Variants in SIPA1L3 observed in about 807,000 individuals in gnomAD.
The protein encoded by SIPA1L3 is signal induced proliferation associated 1 like 3.
In SIPA1L3, 59 loss-of-function variants were observed where a neutral mutation model predicts 150.1. The observed-to-expected ratio is 0.39, with a 90% CI of 0.32 to 0.49. The LOEUF (loss-of-function observed/expected upper bound fraction) is 0.49, where lower values mean the gene tolerates loss of function less well. Ranked by LOEUF, SIPA1L3 falls within the 20% of genes least tolerant of loss-of-function variation. SIPA1L3 has a pLI of 0.86. For synonymous variants in SIPA1L3, 1,070 were observed against 1,077.6 expected, an observed-to-expected ratio of 0.99 and a Z score of 0.14; for missense variants, 2,211 against 2,489.5, an observed-to-expected ratio of 0.89 and a Z score of 2.38.
intron 10 of SIPA1L3, among the ~76,000 whole-genome samples, chr19:38,140,223 A>C (rs1971542892): frequency 6.6e-6 from 1 of 152,182 alleles, no homozygotes; most frequent in Admixed American, 6.5e-5. Flanking sequence ...GGTGGATTTC[A>C]TGAGCATGGC....
At position 38,082,684 on chromosome 19, in the gene SIPA1L3, GGCCGCTTCC is replaced by G; in HGVS notation, c.1125_1133del (p.Ala378_Ala380del). On this transcript the variant is annotated inframe_deletion, in exon 3 of 22. Transcript: ENST00000222345. ...GGCGGAACACCACCACGGGTGCTTC[GGCCGCTTCC>G]GCCGCCTCGGCCATGGCCTCCCTCA... 1 of 1,609,116 alleles carries G rather than the reference GGCCGCTTCC, an allele frequency of 6.2e-7. No individual in the cohort carries two copies. The highest frequency in any genetic ancestry group is 1.1e-5 in the South Asian group (1 of 90,984).
At chr19:38,002,539 C>G (rs900592715) in intron 1 of SIPA1L3, among the ~76,000 whole-genome samples, 7 of 150,764 alleles carry the variant, frequency 4.6e-5, no homozygotes, top group African/African-American at 1.7e-4. Context: ...TTGAGACCAT[C>G]CTGGCCAACA....
At chr19:37,985,406 T>C (rs564240082) in intron 1 of SIPA1L3, among the ~76,000 whole-genome samples, 1 of 152,228 alleles carries the variant, frequency 6.6e-6, no homozygotes, top group South Asian at 2.1e-4. Flanking sequence ...CACATGCCTC[T>C]AGTTCCAGCT....
At chr19:38,141,113 C>A in intron 10 of SIPA1L3, 71 bp from the exon 11 acceptor site, 7 of 1,372,932 alleles carry the variant, frequency 5.1e-6, no homozygotes, top group Admixed American at 2.5e-5. Flanking sequence ...GCCAGGAAAA[C>A]CCAGCCTAGA....
chr19:38,199,609 G>A (rs1317971955), intron 19 of SIPA1L3, among the ~76,000 whole-genome samples: 1 of 152,116 alleles, frequency 6.6e-6, no homozygotes, highest in South Asian at 2.1e-4. Flanking sequence ...AGGTTACGGG[G>A]GAGAGGGGGG....
intron 1 of SIPA1L3, among the ~76,000 whole-genome samples, chr19:37,919,978 G>A (rs1379475663): frequency 6.6e-6 from 1 of 151,820 alleles, no homozygotes; most frequent in African/African-American, 2.4e-5. Flanking sequence ...CCAAAGTGCT[G>A]GGATTACAGG....
At chr19:37,919,705 C>CA (rs2046441892) in intron 1 of SIPA1L3, among the ~76,000 whole-genome samples, 1 of 84,256 alleles carries the variant, frequency 1.2e-5, no homozygotes, top group East Asian at 3.9e-4. Context: ...GGCCCTGAGG[C>CA]TTTTTTTTTT....
intron 1 of SIPA1L3, among the ~76,000 whole-genome samples, chr19:37,978,259 T>C (rs754353048): frequency 2.0e-5 from 3 of 152,198 alleles, no homozygotes; most frequent in Non-Finnish European, 2.9e-5. Flanking sequence ...GCATCTATTA[T>C]GTGGACAGTT....
intron 2 of SIPA1L3, among the ~76,000 whole-genome samples, chr19:38,063,828 T>A (rs1654350): frequency 0.24 from 35,995 of 151,772 alleles, 5,244 homozygotes; most frequent in African/African-American, 0.41. Flanking sequence ...GAGAAAAAAA[T>A]AATAATAATA....
intron 1 of SIPA1L3, among the ~76,000 whole-genome samples, chr19:37,956,702 T>C (rs2046814908): frequency 6.6e-6 from 1 of 152,206 alleles, no homozygotes; most frequent in African/African-American, 2.4e-5. Flanking sequence ...CAGGCTGGTC[T>C]TGAACTCCTG....
chr19:38,164,991 C>A lies in SIPA1L3; in HGVS notation c.4208+85C>A. ...ACGGTCCTGATGGTGGGGTTCTCCT[C>A]CCCAGAAACACACTCACGGATGAAT... is the stretch of plus-strand genomic sequence containing the variant. On this transcript the variant is annotated intron_variant, in intron 15 of 21. Coordinates refer to ENST00000222345, the MANE Select transcript of SIPA1L3 (RefSeq NM_015073.3). The surrounding 1 kb of genome is among the most constrained non-coding windows in gnomAD (Gnocchi z 4.1). 7.8e-7 allele frequency: 1 copy of A among 1,283,764 alleles called. No homozygotes were observed. The highest frequency in any genetic ancestry group is 1.0e-6 in the Non-Finnish European group (1 of 956,188). The allele number at this position is 1,283,764 out of a possible 1,614,324, so 79.5% of individuals were successfully genotyped here. A position where few individuals can be genotyped will look rare whatever the true frequency, so the allele number is the denominator to read the frequency against.
At chr19:37,986,357 G>T (rs924776176) in intron 1 of SIPA1L3, among the ~76,000 whole-genome samples, 2 of 152,228 alleles carry the variant, frequency 1.3e-5, no homozygotes, top group African/African-American at 4.8e-5. Context: ...CTCGAGGTGA[G>T]ATGGCTTTCT....
chr19:37,974,544 C>T (rs1218299270), intron 1 of SIPA1L3, among the ~76,000 whole-genome samples: 1 of 151,204 alleles, frequency 6.6e-6, no homozygotes, highest in African/African-American at 2.4e-5. Context: ...TGATTCATGG[C>T]AGAGGTGGGG....
chr19:38,025,990 C>T (rs1968500690), intron 1 of SIPA1L3, among the ~76,000 whole-genome samples: 1 of 152,178 alleles, frequency 6.6e-6, no homozygotes. Context: ...CTATGGGAAT[C>T]GTCAAGAACA....
intron 2 of SIPA1L3, among the ~76,000 whole-genome samples, chr19:38,068,813 G>A (rs1599997136): frequency 6.6e-6 from 1 of 152,130 alleles, no homozygotes; most frequent in East Asian, 1.9e-4. Flanking sequence ...AGCTATGATT[G>A]TACCACCACA....
chr19:37,948,297 A>G (rs2046730618), intron 1 of SIPA1L3, among the ~76,000 whole-genome samples: 1 of 152,036 alleles, frequency 6.6e-6, no homozygotes, highest in African/African-American at 2.4e-5. Flanking sequence ...GAAATCTTGT[A>G]TCTACAAAAA....
intron 19 of SIPA1L3, among the ~76,000 whole-genome samples, chr19:38,199,615 G>C (rs963559924): frequency 3.9e-5 from 6 of 152,144 alleles, no homozygotes; most frequent in African/African-American, 1.2e-4. Context: ...CGGGGGAGAG[G>C]GGGGAGTAGC....
At chr19:37,918,354 T>G (rs12973580) in intron 1 of SIPA1L3, among the ~76,000 whole-genome samples, 57,328 of 151,344 alleles carry the variant, frequency 0.38, 13,669 homozygotes, top group East Asian at 0.7. Flanking sequence ...CCACCTCCTG[T>G]GTTCAAGTGA....
intron 1 of SIPA1L3, among the ~76,000 whole-genome samples, chr19:38,015,009 T>C (rs753338610): frequency 5.3e-5 from 8 of 151,766 alleles, no homozygotes; most frequent in Non-Finnish European, 8.8e-5. Flanking sequence ...AGATATGATC[T>C]GACTGTGTTG....
Sources: allele counts gnomAD v4.1 joint callset (sites outside exome capture counted in the v4.1 genomes callset), GRCh38; gene constraint gnomAD v4.1.1; non-coding constraint Gnocchi (gnomAD v3.1); transcripts MANE v1.5; gene names NCBI Gene and HGNC (gene_info 2026-07-23, HGNC 2026-07-21).